The following HERC4 variants were observed in gnomAD, a reference collection of about 807,000 sequenced individuals.
HERC4 encodes HECT and RLD domain containing E3 ubiquitin protein ligase 4.
Under a neutral mutation model 124.3 loss-of-function variants are expected in HERC4, and 28 were observed. The ratio of observed to expected loss-of-function variants is 0.23; its 90% CI spans 0.17 to 0.31. HERC4 has a LOEUF of 0.31. Ranked by LOEUF, HERC4 falls within the 10% of genes least tolerant of loss-of-function variation. HERC4 has a pLI of 1.00. For missense variants in HERC4, 713 were observed against 1,229.3 expected (o/e 0.58, Z 6.28); for synonymous variants, 407 against 421.5 (o/e 0.97, Z 0.42).
chr10:67,974,456 A>C (rs1254374118), intron 15 of HERC4, among the ~76,000 whole-genome samples: 1 of 152,228 alleles, frequency 6.6e-6, no homozygotes, highest in Non-Finnish European at 1.5e-5. Flanking sequence ...ATATACACTA[A>C]AACTAAGGAA....
intron 7 of HERC4, among the ~76,000 whole-genome samples, chr10:68,026,341 T>C (rs530378834): frequency 6.6e-6 from 1 of 152,046 alleles, no homozygotes; most frequent in Non-Finnish European, 1.5e-5. Context: ...AGCAATCCTC[T>C]TGCCTTGGCT....
intron 3 of HERC4, among the ~76,000 whole-genome samples, chr10:68,053,364 T>G (rs2040408678): frequency 6.6e-6 from 1 of 151,508 alleles, no homozygotes; most frequent in Non-Finnish European, 1.5e-5. Flanking sequence ...AGTGCAGTGG[T>G]GAAATTACAG....
chr10:68,073,312 A>C (rs1024478884), intron 2 of HERC4, 126 bp from the exon 3 acceptor site: 13 of 495,684 alleles, frequency 2.6e-5, no homozygotes, highest in African/African-American at 3.9e-5. Context: ...CATGCTACAT[A>C]AGTATCATTC....
At chr10:67,973,820 A>G in intron 15 of HERC4, among the ~76,000 whole-genome samples, 1 of 152,042 alleles carries the variant, frequency 6.6e-6, no homozygotes, top group Non-Finnish European at 1.5e-5. Context: ...TTGGGAGGCC[A>G]AGGTGGGCAG....
At chr10:68,045,576 G>T (rs1421414458) in intron 3 of HERC4, among the ~76,000 whole-genome samples, 1 of 152,034 alleles carries the variant, frequency 6.6e-6, no homozygotes, top group Non-Finnish European at 1.5e-5. Context: ...TAAAATACTG[G>T]CCCTACTACC....
chr10:68,038,344 G>A (rs1478307363), intron 4 of HERC4, 175 bp from the exon 5 acceptor site: 3 of 375,470 alleles, frequency 8.0e-6, no homozygotes, highest in Admixed American at 5.2e-5. Context: ...GTAAACAAGA[G>A]CTAGATACAA....
chr10:67,944,694 A>T (rs2033187349), intron 19 of HERC4, among the ~76,000 whole-genome samples: 1 of 152,240 alleles, frequency 6.6e-6, no homozygotes, highest in South Asian at 2.1e-4. Context: ...GTTTTGAGGA[A>T]AAAGAAATCC....
chr10:68,057,983 G>C (rs957033711), intron 3 of HERC4, among the ~76,000 whole-genome samples: 1 of 152,094 alleles, frequency 6.6e-6, no homozygotes, highest in African/African-American at 2.4e-5. Context: ...TTACAGGTGT[G>C]AGCCACCATG....
chr10:67,984,493 TGGGAAG>T (rs1724854757), intron 15 of HERC4, among the ~76,000 whole-genome samples: 1 of 151,600 alleles, frequency 6.6e-6, no homozygotes, highest in Admixed American at 6.6e-5. Flanking sequence ...TACCAGAAGC[TGGGAAG>T]GGTAGTGGGG....
intron 19 of HERC4, among the ~76,000 whole-genome samples, chr10:67,951,377 T>C (rs954905288): frequency 6.6e-6 from 1 of 152,180 alleles, no homozygotes; most frequent in African/African-American, 2.4e-5. Flanking sequence ...TATATGCCTG[T>C]TTACAGAACA....
At chr10:67,997,341 C>A (rs1329483791) in intron 9 of HERC4, among the ~76,000 whole-genome samples, 1 of 151,910 alleles carries the variant, frequency 6.6e-6, no homozygotes, top group East Asian at 1.9e-4. Flanking sequence ...CTTTATTGTC[C>A]TTTAAATTTA....
intron 9 of HERC4, among the ~76,000 whole-genome samples, chr10:67,999,245 G>A (rs1440058961): frequency 2.0e-5 from 3 of 152,056 alleles, no homozygotes; most frequent in Non-Finnish European, 4.4e-5. Context: ...TTGAAAATAG[G>A]CCTAATCATC....
At chr10:67,949,543 A>G (rs1295593898) in intron 19 of HERC4, among the ~76,000 whole-genome samples, 2 of 152,244 alleles carry the variant, frequency 1.3e-5, no homozygotes, top group Non-Finnish European at 2.9e-5. Flanking sequence ...CCTTATGACT[A>G]TAGATGTGAA....
intron 16 of HERC4, chr10:67,965,428 G>A (rs2034803582): frequency 6.6e-6 from 1 of 152,054 alleles, no homozygotes; most frequent in Non-Finnish European, 1.5e-5. Flanking sequence ...ATTGTTTGTT[G>A]AATAAGCAAA....
intron 16 of HERC4, chr10:67,960,869 G>T: frequency 3.4e-6 from 1 of 297,338 alleles, no homozygotes; most frequent in Non-Finnish European, 6.4e-6. Context: ...GGACAAGCAT[G>T]GAGAGGATAA....
In HERC4 at chr10:67,992,740, T is replaced by C. The variant is rs1297525059; in HGVS notation, c.1070-58A>G. On this transcript the variant is annotated intron_variant, in intron 9 of 24. Transcript: ENST00000373700. Reference sequence around the variant, plus strand: ...GATTTACATAACATATTTCAGAGCATCAATATGCCATTAGATTTTCACATA... The same window carrying C: ...GATTTACATAACATATTTCAGAGCACCAATATGCCATTAGATTTTCACATA... 16 of 810,856 alleles carry C rather than the reference T, an allele frequency of 2.0e-5. No individual in the cohort carries two copies. The South Asian group carries it at 2.6e-4, about 13-fold the overall frequency. 50.2% of individuals were successfully genotyped at this position (810,856 alleles called of 1,614,324 possible). A position where few individuals can be genotyped will look rare whatever the true frequency, so the allele number is the denominator to read the frequency against.
chr10:68,026,855 AG>A (rs1398573353), intron 7 of HERC4, among the ~76,000 whole-genome samples: 25 of 142,476 alleles, frequency 1.8e-4, no homozygotes, highest in African/African-American at 7.4e-4. Flanking sequence ...AAAAAAAATT[AG>A]TTAGGCATGG....
At chr10:68,015,038 T>TA (rs1466247869) in intron 8 of HERC4, among the ~76,000 whole-genome samples, 4 of 152,254 alleles carry the variant, frequency 2.6e-5, no homozygotes, top group African/African-American at 7.2e-5. Context: ...ATATGACTAT[T>TA]ACAGTTGTTC....
At chr10:68,044,968 A>G (rs923370532) in intron 3 of HERC4, among the ~76,000 whole-genome samples, 1 of 152,240 alleles carries the variant, frequency 6.6e-6, no homozygotes, top group African/African-American at 2.4e-5. Flanking sequence ...GATTTTAACA[A>G]TAAGATCATA....
Sources: gnomAD v4.1 joint callset for allele counts (sites outside exome capture counted in the v4.1 genomes callset) on GRCh38, gnomAD v4.1.1 for gene constraint, MANE v1.5 for transcripts, NCBI Gene and HGNC (gene_info 2026-07-23, HGNC 2026-07-21) for gene names.